Variants in ERC2 observed in about 807,000 individuals in gnomAD.
The protein encoded by ERC2 is ELKS/RAB6-interacting/CAST family member 2.
Under a neutral mutation model 114.8 loss-of-function variants are expected in ERC2, and 42 were observed. That is an observed-to-expected ratio of 0.37 (90% CI 0.29 to 0.47). The LOEUF is 0.47. ERC2 is among the 20% of genes least tolerant of loss of function. ERC2 has a pLI of 0.99. For missense variants in ERC2, 939 were observed against 1,150.7 expected (o/e 0.82, Z 2.66); for synonymous variants, 454 against 425.5 (o/e 1.07, Z -0.82).
chr3:56,353,696 C>T (rs1031512074), intron 2 of ERC2, among the ~76,000 whole-genome samples: 10 of 150,638 alleles, frequency 6.6e-5, no homozygotes, highest in African/African-American at 2.4e-4. Context: ...AGGAGGTATA[C>T]CTAATGTAAA....
chr3:56,303,061 G>C (rs1419944955), intron 2 of ERC2, among the ~76,000 whole-genome samples: 2 of 152,174 alleles, frequency 1.3e-5, no homozygotes, highest in African/African-American at 2.4e-5. Context: ...CCTGTTTCTG[G>C]GATCATTCTC....
At chr3:56,255,712 G>A (rs74903053) in intron 3 of ERC2, among the ~76,000 whole-genome samples, 2,102 of 152,178 alleles carry the variant, frequency 0.014, 53 homozygotes, top group African/African-American at 0.047. Context: ...GTCCAATCAC[G>A]TCCCCTTGGA....
chr3:56,288,337 G>T (rs2054859109), intron 3 of ERC2, among the ~76,000 whole-genome samples: 1 of 152,064 alleles, frequency 6.6e-6, no homozygotes, highest in South Asian at 2.1e-4. Context: ...GGAGGATGAG[G>T]GTGAAGAGGA....
At chr3:56,299,261 G>A (rs1336713286) in intron 2 of ERC2, among the ~76,000 whole-genome samples, 1 of 151,424 alleles carries the variant, frequency 6.6e-6, no homozygotes, top group African/African-American at 2.4e-5. Flanking sequence ...CCAAGTAGCT[G>A]GGACTACAGG....
At position 55,510,716 on chromosome 3, in the gene ERC2, AT is replaced by A. The variant is rs2052016022; in HGVS notation, c.*599del. ...AAATAGAGGAGGGTAAAGGCTCGCA[AT>A]TTTTGGTGTTTTTTGTTTCTTCGTC... is the stretch of plus-strand genomic sequence containing the variant. On this transcript the variant is annotated 3_prime_UTR_variant, in exon 18 of 18. Coordinates refer to ENST00000288221, the MANE Select transcript of ERC2 (RefSeq NM_015576.3). The A allele has an allele frequency of 6.6e-6, 1 of 152,500 alleles. No individual in the cohort carries two copies. The highest frequency in any genetic ancestry group is 1.5e-5 in the Non-Finnish European group (1 of 68,012). The allele number at this position is 152,500 out of a possible 1,614,324, so 9.4% of individuals were successfully genotyped here. A position where few individuals can be genotyped will look rare whatever the true frequency, so the allele number is the denominator to read the frequency against.
At chr3:55,714,685 A>G (rs1436429169) in intron 15 of ERC2, among the ~76,000 whole-genome samples, 5,548 of 32,280 alleles carry the variant, frequency 0.17, 117 homozygotes, top group African/African-American at 0.21. Context: ...ATATATATAT[A>G]TATATATATA....
Position 56,186,747 on chromosome 3 carries a change from G to A in ERC2, c.1075-13227C>T, listed in dbSNP as rs923558948. Among the ~76,000 whole-genome samples the A allele has an allele frequency of 1.5e-4, 23 of 152,056 alleles. 1 individual carries two copies. The highest frequency in any genetic ancestry group is 1.4e-3 in the Admixed American group (21 of 15,262). ...AGAGACAGGGTTTCACCATGTTGGC[G>A]AGACTGGTCATGAACTCTTGACCTC... On this transcript the variant is annotated intron_variant, in intron 3 of 17. Coordinates refer to ENST00000288221, the MANE Select transcript of ERC2 (RefSeq NM_015576.3).
intron 12 of ERC2, among the ~76,000 whole-genome samples, chr3:55,952,136 A>AACACACACACAC (rs778299355): frequency 2.7e-5 from 2 of 75,420 alleles, no homozygotes; most frequent in African/African-American, 8.6e-5. Context: ...CCATCTCTAA[A>AACACACACACAC]ACACACACAC....
chr3:56,213,534 G>T (rs2049226142), intron 3 of ERC2, among the ~76,000 whole-genome samples: 1 of 152,192 alleles, frequency 6.6e-6, no homozygotes, highest in Non-Finnish European at 1.5e-5. Flanking sequence ...GAACTGGGTG[G>T]AGCCCATCCC....
intron 3 of ERC2, among the ~76,000 whole-genome samples, chr3:56,254,082 T>C (rs2052356128): frequency 1.3e-5 from 2 of 152,216 alleles, no homozygotes; most frequent in Non-Finnish European, 2.9e-5. Context: ...TTTAGATGGA[T>C]TGGGAGAGGG....
rs376884920 is a variant in ERC2, at chr3:55,510,595, T to C, written c.*721A>G. 2 of 152,638 alleles carry C rather than the reference T, an allele frequency of 1.3e-5. No individual in the cohort carries two copies. Among genetic ancestry groups the C allele is most frequent in the East Asian group, 1.9e-4 (1 of 5,190 alleles). The allele number at this position is 152,638 out of a possible 1,614,324, so 9.5% of individuals were successfully genotyped here. A position where few individuals can be genotyped will look rare whatever the true frequency, so the allele number is the denominator to read the frequency against. ...TCATAAGGCGATTTCTTGGCAAGCA[T>C]TAGTGGTTTAAAAAATTGATTTCTT... On this transcript the variant is annotated 3_prime_UTR_variant, in exon 18 of 18. Transcript: ENST00000288221.
At chr3:56,035,160 T>C (rs954652736) in intron 7 of ERC2, among the ~76,000 whole-genome samples, 1 of 151,868 alleles carries the variant, frequency 6.6e-6, no homozygotes, top group Non-Finnish European at 1.5e-5. Flanking sequence ...ACCACAGAAA[T>C]ACAAAGGATT....
At chr3:55,824,253 G>A (rs546446829) in intron 14 of ERC2, among the ~76,000 whole-genome samples, 2 of 152,218 alleles carry the variant, frequency 1.3e-5, no homozygotes, top group African/African-American at 2.4e-5. Flanking sequence ...AATACTATTC[G>A]TGATTCTCCA....
intron 6 of ERC2, among the ~76,000 whole-genome samples, chr3:56,088,922 AT>A (rs2077643603): frequency 6.6e-6 from 1 of 152,158 alleles, no homozygotes; most frequent in Non-Finnish European, 1.5e-5. Flanking sequence ...TAATTCAGTG[AT>A]TTATATACCG....
intron 17 of ERC2, among the ~76,000 whole-genome samples, chr3:55,536,907 T>C (rs540403089): frequency 6.6e-6 from 1 of 152,370 alleles, no homozygotes; most frequent in Admixed American, 6.5e-5. Flanking sequence ...CATCTAAACC[T>C]GTCACCTAAG....
chr3:56,356,659 C>T (rs76063640), intron 2 of ERC2, among the ~76,000 whole-genome samples: 3,681 of 152,222 alleles, frequency 0.024, 156 homozygotes, highest in African/African-American at 0.081. Flanking sequence ...CCAGATTTTA[C>T]GCATTCTCCA....
In ERC2 at chr3:55,513,128, C is replaced by A. The variant is rs564148358; in HGVS notation, c.*40-1852G>T. ...CTTCCTCTTACAGCACCCAACTCTG[C>A]GCTTTCAACGCAGCAGCCAACAACA... On this transcript the variant is annotated intron_variant, in intron 17 of 17. Coordinates refer to ENST00000288221, the MANE Select transcript of ERC2 (RefSeq NM_015576.3). Among the ~76,000 whole-genome samples the A allele has an allele frequency of 8.5e-5, 13 of 152,344 alleles. No homozygotes were observed. The East Asian group carries it at 1.4e-3, about 16-fold the overall frequency.
chr3:56,188,445 C>A (rs1433414547), intron 3 of ERC2, among the ~76,000 whole-genome samples: 1 of 152,178 alleles, frequency 6.6e-6, no homozygotes, highest in African/African-American at 2.4e-5. Flanking sequence ...TACACACCCC[C>A]ACGGTCCAGA....
intron 17 of ERC2, among the ~76,000 whole-genome samples, chr3:55,642,011 G>A (rs9859123): frequency 0.013 from 1,959 of 152,316 alleles, 53 homozygotes; most frequent in African/African-American, 0.045. Context: ...GACATGCAAT[G>A]TTCCCTTACT....
Sources: allele counts gnomAD v4.1 joint callset (sites outside exome capture counted in the v4.1 genomes callset), GRCh38; gene constraint gnomAD v4.1.1; transcripts MANE v1.5; gene names NCBI Gene and HGNC (gene_info 2026-07-23, HGNC 2026-07-21).